FHIT: variants seen among roughly 807,000 people sequenced by gnomAD.
The protein encoded by FHIT is bis(5'-adenosyl)-triphosphatase.
A neutral mutation model predicts 17.9 loss-of-function variants in FHIT; 19 were observed. The ratio of observed to expected loss-of-function variants is 1.06; its 90% CI spans 0.74 to 1.56. The LOEUF (loss-of-function observed/expected upper bound fraction) is 1.56. Among genes scored for constraint, FHIT ranks in the 40% most tolerant of loss-of-function variants. FHIT has a pLI of 0.00. For synonymous variants in FHIT, 81 were observed against 69.7 expected, an observed-to-expected ratio of 1.16 and a Z score of -0.81; for missense variants, 248 against 189.2, an observed-to-expected ratio of 1.31 and a Z score of -1.82.
chr3:60,715,242 C>T (rs1421001580), intron 4 of FHIT, among the ~76,000 whole-genome samples: 2 of 152,114 alleles, frequency 1.3e-5, no homozygotes, highest in Admixed American at 1.3e-4. Context: ...AGGTAGAAAG[C>T]TGAAACTGGA....
chr3:60,397,143 A>G (rs533049701), intron 5 of FHIT, among the ~76,000 whole-genome samples: 5 of 152,322 alleles, frequency 3.3e-5, no homozygotes, highest in African/African-American at 1.2e-4. Flanking sequence ...TCTCTACTCA[A>G]AAGTTTTCAA....
chr3:61,042,875 G>C (rs1007321669), intron 2 of FHIT, among the ~76,000 whole-genome samples: 2 of 151,320 alleles, frequency 1.3e-5, no homozygotes, highest in African/African-American at 4.9e-5. Context: ...TTTTTAAAAA[G>C]TAAGGATACC....
chr3:60,235,944 C>G (rs958309524), intron 5 of FHIT, among the ~76,000 whole-genome samples: 12 of 151,994 alleles, frequency 7.9e-5, no homozygotes, highest in African/African-American at 2.9e-4. Flanking sequence ...TAGACTAGAG[C>G]TCCTTTTGCT....
At chr3:60,019,092 T>C (rs1305692263) in intron 5 of FHIT, among the ~76,000 whole-genome samples, 1 of 152,188 alleles carries the variant, frequency 6.6e-6, no homozygotes, top group East Asian at 1.9e-4. Context: ...TGCTTTCAGA[T>C]GGAAGGTAGG....
chr3:60,095,682 T>C (rs1703915796), intron 5 of FHIT, among the ~76,000 whole-genome samples: 1 of 152,158 alleles, frequency 6.6e-6, no homozygotes, highest in Non-Finnish European at 1.5e-5. Flanking sequence ...TTCTAGATAA[T>C]CGGCCTCATT....
At chr3:60,972,125 G>T (rs1710047820) in intron 3 of FHIT, among the ~76,000 whole-genome samples, 6 of 152,000 alleles carry the variant, frequency 3.9e-5, no homozygotes, top group Admixed American at 2.0e-4. Flanking sequence ...ACATTACTTT[G>T]ATTGTTTTAA....
At chr3:60,020,874 G>T (rs17061825) in intron 5 of FHIT, among the ~76,000 whole-genome samples, 1,551 of 152,238 alleles carry the variant, frequency 0.01, 25 homozygotes, top group African/African-American at 0.034. Flanking sequence ...CACAACGTAA[G>T]CACTTTGATG....
At chr3:60,211,419 A>G (rs1703448868) in intron 5 of FHIT, among the ~76,000 whole-genome samples, 1 of 151,846 alleles carries the variant, frequency 6.6e-6, no homozygotes, top group Non-Finnish European at 1.5e-5. Flanking sequence ...GGTTTTATAG[A>G]TTGATTCTGA....
chr3:61,138,293 G>A (rs1330350617), intron 2 of FHIT, among the ~76,000 whole-genome samples: 4 of 152,166 alleles, frequency 2.6e-5, no homozygotes, highest in Non-Finnish European at 5.9e-5. Context: ...CAGCCTGGGA[G>A]CCAAGTTAAA....
At position 60,854,991 on chromosome 3, in the gene FHIT, ATC is replaced by A. The variant is rs79426769; in HGVS notation, c.-110-32982_-110-32981del. The stretch of plus-strand genomic sequence containing the variant: ...AGGGAGGTTCAGGGAATTACTCAAG[ATC>A]TCTTTTGTGCCAGGGAACTAGGGAG... On this transcript the variant is annotated intron_variant, in intron 3 of 9. Transcript: ENST00000492590. Among the ~76,000 whole-genome samples the A allele has an allele frequency of 9.7e-3, 1,480 of 152,108 alleles. 16 individuals carry two copies. The highest frequency in any genetic ancestry group is 0.017 in the Non-Finnish European group (1,162 of 67,986).
chr3:61,167,545 C>T (rs2037874422), intron 2 of FHIT, among the ~76,000 whole-genome samples: 1 of 148,970 alleles, frequency 6.7e-6, no homozygotes, highest in Non-Finnish European at 1.5e-5. Flanking sequence ...AGGAGAATCA[C>T]TTGAACCTGG....
chr3:60,243,970 T>C (rs1705262740), intron 5 of FHIT, among the ~76,000 whole-genome samples: 1 of 152,058 alleles, frequency 6.6e-6, no homozygotes, highest in Non-Finnish European at 1.5e-5. Context: ...GTACACTCGG[T>C]TAAATGGTTT....
chr3:60,692,090 T>C (rs1167815687), intron 4 of FHIT, among the ~76,000 whole-genome samples: 1 of 152,180 alleles, frequency 6.6e-6, no homozygotes, highest in African/African-American at 2.4e-5. Flanking sequence ...CTAATTTCCA[T>C]CCTCTAGCAG....
At chr3:59,794,718 A>G (rs978356654) in intron 8 of FHIT, among the ~76,000 whole-genome samples, 1 of 152,204 alleles carries the variant, frequency 6.6e-6, no homozygotes, top group Non-Finnish European at 1.5e-5. Context: ...ATAGTATCTC[A>G]TTAAATCTCA....
intron 5 of FHIT, among the ~76,000 whole-genome samples, chr3:60,225,391 T>C (rs975781493): frequency 2.0e-5 from 3 of 152,118 alleles, no homozygotes; most frequent in African/African-American, 7.2e-5. Context: ...ATACACCAAG[T>C]GCTGGAGGAA....
chr3:60,442,022 C>A (rs2030928230), intron 5 of FHIT, among the ~76,000 whole-genome samples: 1 of 150,374 alleles, frequency 6.7e-6, no homozygotes, highest in African/African-American at 2.4e-5. Flanking sequence ...CCATGCCTGA[C>A]TAATTTTTTT....
At chr3:60,132,959 GA>G (rs199906841) in intron 5 of FHIT, among the ~76,000 whole-genome samples, 1,533 of 152,188 alleles carry the variant, frequency 0.01, 20 homozygotes, top group African/African-American at 0.034. Flanking sequence ...ATGACATACT[GA>G]AATAGCATCT....
chr3:60,162,827 T>C (rs1465516635), intron 5 of FHIT, among the ~76,000 whole-genome samples: 1 of 152,168 alleles, frequency 6.6e-6, no homozygotes, highest in Non-Finnish European at 1.5e-5. Context: ...ATGGCTTCCC[T>C]GGATATTGAG....
chr3:60,567,085 T>C (rs997380643), intron 4 of FHIT, among the ~76,000 whole-genome samples: 18 of 151,380 alleles, frequency 1.2e-4, no homozygotes, highest in Non-Finnish European at 2.1e-4. Flanking sequence ...CCAATGACTT[T>C]CTTCACAGAA....
Sources: allele counts gnomAD v4.1 joint callset (sites outside exome capture counted in the v4.1 genomes callset), GRCh38; gene constraint gnomAD v4.1.1; transcripts MANE v1.5; gene names NCBI Gene and HGNC (gene_info 2026-07-23, HGNC 2026-07-21).